Variants in PAN3 observed in about 807,000 individuals in gnomAD.
The protein encoded by PAN3 is poly(A) specific ribonuclease subunit PAN3, also known as PAN2-PAN3 deadenylation complex subunit PAN3.
PAN3 carries 19 observed loss-of-function variants against 96.2 expected under a neutral mutation model. That is an observed-to-expected ratio of 0.20 (90% CI 0.14 to 0.29). The LOEUF is 0.29. PAN3 is among the 10% of genes least tolerant of loss of function. The pLI, the probability that PAN3 is intolerant of heterozygous loss-of-function variation, is 1.00. For synonymous variants in PAN3, 433 were observed against 406.6 expected (o/e 1.06, Z -0.78); for missense variants, 882 against 1,108.1 (o/e 0.80, Z 2.90).
At chr13:28,284,145 C>T (rs1868661686) in intron 17 of PAN3, among the ~76,000 whole-genome samples, 1 of 152,130 alleles carries the variant, frequency 6.6e-6, no homozygotes, top group Non-Finnish European at 1.5e-5. Flanking sequence ...ACTGCCTCAC[C>T]AAAATACTTT....
chr13:28,235,336 A>T (rs1342262332), intron 6 of PAN3, among the ~76,000 whole-genome samples: 4 of 152,172 alleles, frequency 2.6e-5, no homozygotes, highest in Non-Finnish European at 5.9e-5. Flanking sequence ...GGTTCTATTA[A>T]AATACTGCCA....
intron 4 of PAN3, among the ~76,000 whole-genome samples, chr13:28,193,319 C>A (rs556473101): frequency 1.3e-5 from 2 of 152,152 alleles, no homozygotes; most frequent in Admixed American, 1.3e-4. Context: ...TGAGGAGAGG[C>A]TTTAGGCTAG....
At chr13:28,189,928 G>T (rs958275904) in intron 4 of PAN3, among the ~76,000 whole-genome samples, 49 of 152,048 alleles carry the variant, frequency 3.2e-4, no homozygotes, top group Non-Finnish European at 6.6e-4. Context: ...TTCAAGCCTT[G>T]AGCTTTTTTG....
At chr13:28,158,322 C>T (rs1462264048) in intron 1 of PAN3, among the ~76,000 whole-genome samples, 2 of 152,084 alleles carry the variant, frequency 1.3e-5, no homozygotes, top group African/African-American at 2.4e-5. Flanking sequence ...AAAGCAATGG[C>T]GACAACAACA....
rs779468176 is a variant in PAN3, at chr13:28,138,603, T to TGGC, written c.-53_-52insCGG. On this transcript the variant is annotated 5_prime_UTR_variant, in exon 1 of 19. Transcript: ENST00000380958. ...TCTTCCTTTCCTCCCCCGTCTATGG[T>TGGC]GGTGGCGGCGGCGGCTCCTCGGGCG... The TGGC allele has an allele frequency of 2.0e-4, 94 of 465,470 alleles. No homozygotes were observed. The highest frequency in any genetic ancestry group is 1.8e-3 in the African/African-American group (87 of 47,994). The allele number at this position is 465,470 out of a possible 1,614,324, so 28.8% of individuals were successfully genotyped here. A position where few individuals can be genotyped will look rare whatever the true frequency, so the allele number is the denominator to read the frequency against.
At chr13:28,168,138 G>A (rs532625386) in intron 1 of PAN3, among the ~76,000 whole-genome samples, 1 of 152,260 alleles carries the variant, frequency 6.6e-6, no homozygotes, top group South Asian at 2.1e-4. Flanking sequence ...TGAGACCATA[G>A]CACACAGAGA....
At chr13:28,277,517 A>G in intron 15 of PAN3, 141 bp downstream of exon 15, 2 of 838,668 alleles carry the variant, frequency 2.4e-6, no homozygotes, top group African/African-American at 3.5e-5. Flanking sequence ...TTTATTGCAA[A>G]GTAAATATTT....
intron 5 of PAN3, among the ~76,000 whole-genome samples, chr13:28,197,950 A>G (rs977846288): frequency 3.3e-5 from 5 of 151,966 alleles, no homozygotes; most frequent in Non-Finnish European, 4.4e-5. Context: ...TTTACTACCC[A>G]AGAGTTATTC....
Position 28,285,434 on chromosome 13 carries a change from T to TTTTG in PAN3, c.2385-2526_2385-2523dup, listed in dbSNP as rs575683286. Among the ~76,000 whole-genome samples the TTTTG allele has an allele frequency of 9.3e-4, 142 of 152,028 alleles. 1 individual carries two copies. Among genetic ancestry groups the TTTTG allele is most frequent in the Middle Eastern group, 3.4e-3 (1 of 294 alleles). ...CCTTTCCTTCCTCCAAGCTTTTGGG[T>TTTTG]TTTGTTTGTTTGTTTGTTTGTTTGT... is the stretch of plus-strand genomic sequence containing the variant. On this transcript the variant is annotated intron_variant, in intron 17 of 18. Coordinates refer to ENST00000380958, the MANE Select transcript of PAN3 (RefSeq NM_175854.8).
intron 6 of PAN3, among the ~76,000 whole-genome samples, chr13:28,253,827 A>T (rs1884933373): frequency 6.6e-6 from 1 of 152,126 alleles, no homozygotes; most frequent in Non-Finnish European, 1.5e-5. Context: ...AGATGAACTC[A>T]AATTTTATTT....
chr13:28,281,682 G>C (rs1408612395), intron 17 of PAN3, among the ~76,000 whole-genome samples: 2 of 151,270 alleles, frequency 1.3e-5, no homozygotes, highest in African/African-American at 4.9e-5. Context: ...TGAGGAAGAA[G>C]TTTCATGTAA....
Position 28,174,263 on chromosome 13 carries a change from C to T in PAN3, c.431-9C>T. The T allele has an allele frequency of 6.2e-7, 1 of 1,606,018 alleles. No individual in the cohort carries two copies. The highest frequency in any genetic ancestry group is 8.5e-7 in the Non-Finnish European group (1 of 1,176,082). Reference sequence around the variant, plus strand: ...AATTTTAAATACTTGAATTTTCCTTCTCTTTCAGTTCCAGGAATGGATGGA... The same window carrying T: ...AATTTTAAATACTTGAATTTTCCTTTTCTTTCAGTTCCAGGAATGGATGGA... On this transcript the variant is annotated splice_polypyrimidine_tract_variant and intron_variant, in intron 1 of 18. Coordinates refer to ENST00000380958, the MANE Select transcript of PAN3 (RefSeq NM_175854.8).
chr13:28,202,249 A>G (rs1878803375), intron 5 of PAN3, among the ~76,000 whole-genome samples: 1 of 152,302 alleles, frequency 6.6e-6, no homozygotes, highest in South Asian at 2.1e-4. Flanking sequence ...TAGAGCTGCA[A>G]TTCTAGCCAA....
At chr13:28,208,263 G>A (rs1879607943) in intron 5 of PAN3, among the ~76,000 whole-genome samples, 2 of 152,136 alleles carry the variant, frequency 1.3e-5, no homozygotes, top group African/African-American at 4.8e-5. Context: ...ATATGCATAA[G>A]TAGCAATAAT....
At chr13:28,178,994 T>C (rs939015005) in intron 4 of PAN3, among the ~76,000 whole-genome samples, 15 of 151,460 alleles carry the variant, frequency 9.9e-5, no homozygotes, top group Middle Eastern at 3.4e-3. Context: ...AAAAAAGTTA[T>C]GAAGACTGAT....
chr13:28,222,956 A>G lies in PAN3; in HGVS notation c.1000+2578A>G, dbSNP rs1363344749. Among the ~76,000 whole-genome samples, 3 of 152,294 alleles carry G rather than the reference A, an allele frequency of 2.0e-5. No homozygotes were observed. The East Asian group carries it at 5.8e-4, about 29-fold the overall frequency. Reference sequence around the variant, plus strand: ...ATTACGTATGGGAAAGTACATATCTAAATATATTTTTGACCAAATATATTT... The same window carrying G: ...ATTACGTATGGGAAAGTACATATCTGAATATATTTTTGACCAAATATATTT... On this transcript the variant is annotated intron_variant, in intron 6 of 18. Coordinates refer to ENST00000380958, the MANE Select transcript of PAN3 (RefSeq NM_175854.8).
intron 6 of PAN3, among the ~76,000 whole-genome samples, chr13:28,247,597 C>T (rs1884329415): frequency 6.6e-6 from 1 of 152,076 alleles, no homozygotes; most frequent in African/African-American, 2.4e-5. Context: ...TTGATTTGAT[C>T]TTTGCATATG....
chr13:28,224,026 G>A (rs1023057501), intron 6 of PAN3, among the ~76,000 whole-genome samples: 13 of 151,394 alleles, frequency 8.6e-5, no homozygotes, highest in Non-Finnish European at 1.3e-4. Flanking sequence ...CCGCCACCGC[G>A]CCCGGCTAAT....
chr13:28,280,638 T>G, intron 16 of PAN3, 97 bp downstream of exon 16: 1 of 1,131,662 alleles, frequency 8.8e-7, no homozygotes. Context: ...CTCGGCTTAC[T>G]GTAACCTCTG....
Sources: gnomAD v4.1 joint callset for allele counts (sites outside exome capture counted in the v4.1 genomes callset) on GRCh38, gnomAD v4.1.1 for gene constraint, MANE v1.5 for transcripts, NCBI Gene and HGNC (gene_info 2026-07-23, HGNC 2026-07-21) for gene names.